Variants in RSF1 observed in about 807,000 individuals in gnomAD.
RSF1 encodes the protein HBV pX-associated protein 8.
Under a neutral mutation model 145.2 loss-of-function variants are expected in RSF1, and 13 were observed. The ratio of observed to expected loss-of-function variants is 0.09; its 90% CI spans 0.06 to 0.14. RSF1 has a LOEUF of 0.14. Among genes scored for constraint, RSF1 ranks in the 10% least tolerant of loss-of-function variants. The pLI, the probability that RSF1 is intolerant of heterozygous loss-of-function variation, is 1.00. For synonymous variants in RSF1, 577 were observed against 592.6 expected (o/e 0.97, Z 0.38); for missense variants, 1,517 against 1,718.2 (o/e 0.88, Z 2.07).
chr11:77,749,557 C>T (rs1210839273), intron 2 of RSF1, among the ~76,000 whole-genome samples: 3 of 152,114 alleles, frequency 2.0e-5, no homozygotes, highest in Non-Finnish European at 4.4e-5. Flanking sequence ...GCCAATGGCT[C>T]ACAGTGTCAC....
intron 2 of RSF1, among the ~76,000 whole-genome samples, chr11:77,756,745 T>C (rs1327789126): frequency 4.6e-5 from 7 of 152,212 alleles, no homozygotes; most frequent in African/African-American, 1.7e-4. Flanking sequence ...GGGTATGTGC[T>C]TTACTTAAAG....
chr11:77,819,134 T>A (rs1948809878), intron 1 of RSF1, among the ~76,000 whole-genome samples: 1 of 152,238 alleles, frequency 6.6e-6, no homozygotes, highest in Non-Finnish European at 1.5e-5. Flanking sequence ...AACAGAAACT[T>A]CTTCATTTAC....
At chr11:77,676,378 C>G (rs1044342721) in intron 13 of RSF1, among the ~76,000 whole-genome samples, 1 of 151,946 alleles carries the variant, frequency 6.6e-6, no homozygotes, top group African/African-American at 2.4e-5. Context: ...TGCAAAGAAG[C>G]CTTTCTTGAT....
At chr11:77,762,693 T>G (rs1948187989) in intron 2 of RSF1, 1 of 152,216 alleles carries the variant, frequency 6.6e-6, no homozygotes, top group Admixed American at 6.5e-5. Context: ...AAGTCTAGGC[T>G]TAGCAGGAAG....
intron 5 of RSF1, among the ~76,000 whole-genome samples, chr11:77,710,555 G>T (rs1303718457): frequency 6.6e-6 from 1 of 151,998 alleles, no homozygotes; most frequent in East Asian, 1.9e-4. Context: ...TCTGTTCTTT[G>T]TTTATCCTGT....
At chr11:77,740,596 T>C (rs1160468299) in intron 4 of RSF1, 135 bp downstream of exon 4, 1 of 684,736 alleles carries the variant, frequency 1.5e-6, no homozygotes, top group Non-Finnish European at 2.5e-6. Context: ...CGCTGGATAC[T>C]AGGTGAGGCC....
At chr11:77,730,625 AT>A (rs1277994402) in intron 4 of RSF1, among the ~76,000 whole-genome samples, 6 of 152,144 alleles carry the variant, frequency 3.9e-5, no homozygotes, top group African/African-American at 1.4e-4. Flanking sequence ...CCCAAATCTC[AT>A]CTTGAATTGT....
intron 5 of RSF1, among the ~76,000 whole-genome samples, chr11:77,723,499 AAG>A (rs1416932945): frequency 2.0e-5 from 3 of 152,196 alleles, no homozygotes; most frequent in African/African-American, 7.2e-5. Context: ...AGTAGTCTGT[AAG>A]TTTAATTTTA....
the RSF1 span, chr11:77,869,909 T>G: frequency 1.6e-6 from 2 of 1,217,000 alleles, no homozygotes; most frequent in African/African-American, 3.0e-5. Context: ...AGGTCATCTT[T>G]ATATATCATG....
the RSF1 span, among the ~76,000 whole-genome samples, chr11:77,835,522 A>T: frequency 6.6e-6 from 1 of 152,144 alleles, no homozygotes; most frequent in Non-Finnish European, 1.5e-5. Context: ...CCTCGTTGAT[A>T]CTCCCAAAAA....
chr11:77,795,219 C>T (rs191140014), intron 1 of RSF1, among the ~76,000 whole-genome samples: 24 of 152,242 alleles, frequency 1.6e-4, no homozygotes, highest in African/African-American at 3.6e-4. Flanking sequence ...AATGGAAAGA[C>T]ATCACATGTT....
chr11:77,675,070 T>A lies in RSF1; in HGVS notation c.3528A>T (p.Glu1176Asp). ...TPKKKYSDDD[E>D]EEESEENSRD... Reference sequence around the variant, plus strand: ...TACTATTCTCCTCAGATTCCTCCTCTTCATCATCATCGGAATATTTTTTCT... The same window carrying A: ...TACTATTCTCCTCAGATTCCTCCTCATCATCATCATCGGAATATTTTTTCT... Residue 1176 changes from glutamate to aspartate, a missense_variant, in exon 14 of 16, where the codon GAA becomes GAT. Transcript: ENST00000308488. The A allele has an allele frequency of 6.2e-7, 1 of 1,613,828 alleles. No homozygotes were observed. Among genetic ancestry groups the A allele is most frequent in the East Asian group, 2.2e-5 (1 of 44,876 alleles).
chr11:77,824,606 AAG>A (rs1949083670), upstream of RSF1, among the ~76,000 whole-genome samples: 1 of 152,190 alleles, frequency 6.6e-6, no homozygotes, highest in Non-Finnish European at 1.5e-5. Context: ...TGTTGAGTAA[AAG>A]AAGGCAGACA....
chr11:77,845,427 C>A, the RSF1 span, among the ~76,000 whole-genome samples: 1 of 148,696 alleles, frequency 6.7e-6, no homozygotes, highest in Admixed American at 6.8e-5. Flanking sequence ...ATTTCTTTTT[C>A]TTTTCTTTTT....
chr11:77,783,432 A>G (rs1343275802), intron 1 of RSF1, among the ~76,000 whole-genome samples: 1 of 152,170 alleles, frequency 6.6e-6, no homozygotes, highest in Non-Finnish European at 1.5e-5. Context: ...GCTAGCTCAT[A>G]ACATATTCTC....
the RSF1 span, among the ~76,000 whole-genome samples, chr11:77,826,719 C>T: frequency 6.6e-6 from 1 of 152,158 alleles, no homozygotes. Flanking sequence ...CAGATAATCT[C>T]AATGAAATGA....
chr11:77,724,756 G>C (rs1287300030), intron 5 of RSF1, among the ~76,000 whole-genome samples: 1 of 152,064 alleles, frequency 6.6e-6, no homozygotes, highest in Non-Finnish European at 1.5e-5. Context: ...GTTCACAATA[G>C]GGTTTGTGCT....
intron 14 of RSF1, 146 bp downstream of exon 14, chr11:77,674,890 T>G: frequency 1.7e-6 from 1 of 593,912 alleles, no homozygotes; most frequent in South Asian, 2.2e-5. Flanking sequence ...TCCCAGCTAC[T>G]TGGGAGGCTG....
chr11:77,747,247 C>T, intron 2 of RSF1, 119 bp from the exon 3 acceptor site: 1 of 589,984 alleles, frequency 1.7e-6, no homozygotes. Flanking sequence ...TTACACTAAA[C>T]AGTCCAATCC....
Sources: allele counts gnomAD v4.1 joint callset (sites outside exome capture counted in the v4.1 genomes callset), GRCh38; gene constraint gnomAD v4.1.1; transcripts MANE v1.5; gene names NCBI Gene and HGNC (gene_info 2026-07-23, HGNC 2026-07-21).